ENOX1: variants seen among roughly 807,000 people sequenced by gnomAD.
The protein encoded by ENOX1 is candidate growth-related and time keeping constitutive hydroquinone (NADH) oxidase.
Under a neutral mutation model 82.5 loss-of-function variants are expected in ENOX1, and 42 were observed. That is an observed-to-expected ratio of 0.51 (90% CI 0.40 to 0.66). ENOX1 has a LOEUF of 0.66. ENOX1 is among the 30% of genes least tolerant of loss of function. ENOX1 has a pLI of 0.00. For missense variants in ENOX1, 608 were observed against 811.6 expected, an observed-to-expected ratio of 0.75 and a Z score of 3.05; for synonymous variants, 271 against 282.2, an observed-to-expected ratio of 0.96 and a Z score of 0.40.
At chr13:43,370,933 G>A (rs1251486522) in intron 5 of ENOX1, among the ~76,000 whole-genome samples, 5 of 131,342 alleles carry the variant, frequency 3.8e-5, no homozygotes, top group East Asian at 2.2e-4. Context: ...TCCTCCCTCC[G>A]CCTCCTCCCT....
chr13:43,536,492 A>G (rs1435896776), intron 2 of ENOX1, among the ~76,000 whole-genome samples: 1 of 152,218 alleles, frequency 6.6e-6, no homozygotes, highest in Non-Finnish European at 1.5e-5. Context: ...AGAGGCTTCA[A>G]ACCATAAAAG....
At chr13:43,551,835 T>C (rs1249157169) in intron 2 of ENOX1, among the ~76,000 whole-genome samples, 2 of 152,232 alleles carry the variant, frequency 1.3e-5, no homozygotes, top group African/African-American at 4.8e-5. Flanking sequence ...GATGAGGTTA[T>C]TTTGACTTAA....
At chr13:43,670,297 T>C (rs978275396) in intron 1 of ENOX1, among the ~76,000 whole-genome samples, 3 of 152,204 alleles carry the variant, frequency 2.0e-5, no homozygotes, top group Non-Finnish European at 4.4e-5. Context: ...GATATGGCAA[T>C]CTTGCATATA....
At chr13:43,350,138 C>A (rs2049677088) in intron 8 of ENOX1, among the ~76,000 whole-genome samples, 1 of 152,172 alleles carries the variant, frequency 6.6e-6, no homozygotes, top group Admixed American at 6.5e-5. Context: ...TGTAACAATG[C>A]AAATTAATTT....
intron 1 of ENOX1, among the ~76,000 whole-genome samples, chr13:43,762,489 T>C (rs936355848): frequency 6.6e-6 from 1 of 152,208 alleles, no homozygotes; most frequent in Non-Finnish European, 1.5e-5. Context: ...CTCCCTACGA[T>C]TGTCCCTCTA....
chr13:43,400,332 T>C (rs1430732575), intron 5 of ENOX1, among the ~76,000 whole-genome samples: 3 of 152,158 alleles, frequency 2.0e-5, no homozygotes, highest in African/African-American at 7.2e-5. Flanking sequence ...TGGAATCCAT[T>C]AGCCAGGAAC....
Position 43,298,379 on chromosome 13 carries a change from C to T in ENOX1, c.1413G>A (p.Gln471=), listed in dbSNP as rs975808645. 1.9e-6 allele frequency: 3 copies of T among 1,611,704 alleles called. No homozygotes were observed. The highest frequency in any genetic ancestry group is 2.7e-5 in the African/African-American group (2 of 74,546). Residue 471 remains glutamine (Q), a synonymous_variant, in exon 12 of 17, where the codon CAG becomes CAA. Transcript: ENST00000690772. The part of the protein sequence containing the change: ...EENLTKDQQL[Q]FLQQTMQGMQ... ...TGCCTTGCATGGTTTGCTGCAGAAA[C>T]TGCAGTTGCTGGTCCTTGGTGAGGT...
chr13:43,248,807 T>C (rs1315248246), intron 14 of ENOX1, among the ~76,000 whole-genome samples: 1 of 152,136 alleles, frequency 6.6e-6, no homozygotes, highest in Non-Finnish European at 1.5e-5. Flanking sequence ...ATTTGCCTTT[T>C]ATAGTTTATA....
At chr13:43,415,335 G>A (rs992181428) in intron 3 of ENOX1, among the ~76,000 whole-genome samples, 2 of 143,938 alleles carry the variant, frequency 1.4e-5, no homozygotes, top group Admixed American at 1.5e-4. Context: ...GTGGAGAGAA[G>A]GTCAGCAGAT....
At chr13:43,403,701 T>A (rs1405416668) in intron 5 of ENOX1, among the ~76,000 whole-genome samples, 1 of 151,902 alleles carries the variant, frequency 6.6e-6, no homozygotes, top group East Asian at 1.9e-4. Flanking sequence ...ATACAAAAAA[T>A]TAGCTGGCAC....
intron 1 of ENOX1, among the ~76,000 whole-genome samples, chr13:43,772,749 T>TA (rs35359203): frequency 0.038 from 4,261 of 112,052 alleles, 267 homozygotes; most frequent in African/African-American, 0.13. Context: ...ACTCTGTCTT[T>TA]AAAAAAAAAA....
chr13:43,516,868 C>T (rs959937646), intron 2 of ENOX1, among the ~76,000 whole-genome samples: 3 of 152,158 alleles, frequency 2.0e-5, no homozygotes, highest in African/African-American at 7.2e-5. Flanking sequence ...GTGTAGTTTT[C>T]TAAGCTCTTG....
intron 1 of ENOX1, among the ~76,000 whole-genome samples, chr13:43,749,597 TC>T (rs2153830526): frequency 6.6e-6 from 1 of 152,190 alleles, no homozygotes; most frequent in Admixed American, 6.5e-5. Context: ...CCAGCTTTGC[TC>T]CTCACGGGCA....
chr13:43,754,047 C>CAAATATAT lies in ENOX1; in HGVS notation c.-285+32604_-285+32605insATATATTT, dbSNP rs1950475717. On this transcript the variant is annotated intron_variant, in intron 1 of 16. Coordinates refer to ENST00000690772, the MANE Select transcript of ENOX1 (RefSeq NM_001347969.2). The stretch of plus-strand genomic sequence containing the variant: ...ATATACATATATATGTATATAAATA[C>CAAATATAT]ACATATATATACATATATACGTATA... Among the ~76,000 whole-genome samples the CAAATATAT allele has an allele frequency of 4.2e-5, 2 of 47,334 alleles. 1 individual carries two copies. Among genetic ancestry groups the CAAATATAT allele is most frequent in the Non-Finnish European group, 1.8e-4 (2 of 11,022 alleles). 31.1% of individuals were successfully genotyped at this position (47,334 alleles called of 152,430 possible).
chr13:43,448,382 A>T (rs912515214), intron 3 of ENOX1, among the ~76,000 whole-genome samples: 2 of 152,248 alleles, frequency 1.3e-5, no homozygotes, highest in African/African-American at 4.8e-5. Context: ...TTTTAAAAAA[A>T]CTTCAAACGG....
intron 2 of ENOX1, among the ~76,000 whole-genome samples, chr13:43,508,767 A>G (rs1285709146): frequency 1.3e-5 from 2 of 151,642 alleles, no homozygotes; most frequent in African/African-American, 4.9e-5. Context: ...CCAATATTAC[A>G]CAGTTAGAAC....
chr13:43,480,897 C>T (rs542130851), intron 3 of ENOX1, among the ~76,000 whole-genome samples: 1 of 152,282 alleles, frequency 6.6e-6, no homozygotes, highest in East Asian at 1.9e-4. Flanking sequence ...CAGATAGCTT[C>T]ACCAGATCAT....
At chr13:43,464,647 C>G (rs981220200) in intron 3 of ENOX1, among the ~76,000 whole-genome samples, 1 of 152,206 alleles carries the variant, frequency 6.6e-6, no homozygotes, top group African/African-American at 2.4e-5. Flanking sequence ...AGAGTTCCTA[C>G]ATACTCCTCC....
chr13:43,373,438 A>ATT (rs1483688963), intron 5 of ENOX1, among the ~76,000 whole-genome samples: 5 of 152,192 alleles, frequency 3.3e-5, no homozygotes, highest in African/African-American at 1.2e-4. Context: ...TGCCAGGAAG[A>ATT]TTAGGTGTTG....
Sources: allele counts gnomAD v4.1 joint callset (sites outside exome capture counted in the v4.1 genomes callset), GRCh38; gene constraint gnomAD v4.1.1; transcripts MANE v1.5; gene names NCBI Gene and HGNC (gene_info 2026-07-23, HGNC 2026-07-21).